Variants in SNX29 observed in about 807,000 individuals in gnomAD.
The protein encoded by SNX29 is sorting nexin 29, also known as sorting nexin-29.
SNX29 carries 78 observed loss-of-function variants against 102.1 expected under a neutral mutation model. The ratio of observed to expected loss-of-function variants is 0.76; its 90% CI spans 0.64 to 0.92. The LOEUF is 0.92. Among genes scored for constraint, SNX29 ranks in the 40% least tolerant of loss-of-function variants. SNX29 has a pLI of 0.00. For synonymous variants in SNX29, 580 were observed against 414.5 expected (o/e 1.40, Z -4.85); for missense variants, 1,280 against 1,061.7 (o/e 1.21, Z -2.86).
intron 15 of SNX29, 95 bp downstream of exon 15, chr16:12,278,131 C>A: frequency 3.8e-6 from 4 of 1,045,766 alleles, no homozygotes; most frequent in Non-Finnish European, 4.3e-6. Context: ...GACACGTGAG[C>A]AAAACGACCA....
chr16:12,325,152 T>C (rs1482187194), intron 15 of SNX29, among the ~76,000 whole-genome samples: 7 of 152,162 alleles, frequency 4.6e-5, no homozygotes, highest in African/African-American at 1.7e-4. Flanking sequence ...TGCAGGCCCC[T>C]CCCTAATGGC....
chr16:12,084,467 A>G (rs2052063073), intron 11 of SNX29, among the ~76,000 whole-genome samples: 2 of 152,228 alleles, frequency 1.3e-5, no homozygotes, highest in Non-Finnish European at 2.9e-5. Context: ...TAAAACACCC[A>G]TAATTCTGCC....
intron 14 of SNX29, among the ~76,000 whole-genome samples, chr16:12,274,990 A>G (rs1399280488): frequency 6.6e-6 from 1 of 152,152 alleles, no homozygotes; most frequent in Non-Finnish European, 1.5e-5. Context: ...TTTTCCCTAA[A>G]TAGTCTCTCT....
chr16:11,986,760 C>G (rs901284751), intron 1 of SNX29, among the ~76,000 whole-genome samples: 1 of 152,188 alleles, frequency 6.6e-6, no homozygotes, highest in Non-Finnish European at 1.5e-5. Flanking sequence ...TAAATATTTT[C>G]TACTTTGTGG....
intron 20 of SNX29, among the ~76,000 whole-genome samples, chr16:12,568,181 A>T (rs934022276): frequency 6.6e-6 from 1 of 152,068 alleles, no homozygotes; most frequent in African/African-American, 2.4e-5. Flanking sequence ...AATCAAGGAA[A>T]ATGTGGGGAA....
chr16:12,194,978 G>T (rs2076737437), intron 13 of SNX29, among the ~76,000 whole-genome samples: 1 of 152,074 alleles, frequency 6.6e-6, no homozygotes, highest in Non-Finnish European at 1.5e-5. Flanking sequence ...CTAGTAAAGT[G>T]CATTGTTGAA....
chr16:12,010,412 A>T (rs2056606479), intron 3 of SNX29, among the ~76,000 whole-genome samples: 1 of 152,170 alleles, frequency 6.6e-6, no homozygotes, highest in Admixed American at 6.6e-5. Context: ...ACTTGATCCC[A>T]GGAGTTCGAG....
At chr16:12,067,993 A>G (rs2051113612) in intron 9 of SNX29, among the ~76,000 whole-genome samples, 1 of 139,042 alleles carries the variant, frequency 7.2e-6, no homozygotes, top group Non-Finnish European at 1.6e-5. Context: ...CACTTAATGC[A>G]GGGAAAATTG....
At chr16:12,205,020 T>C (rs918537014) in intron 14 of SNX29, among the ~76,000 whole-genome samples, 1 of 152,020 alleles carries the variant, frequency 6.6e-6, no homozygotes, top group Non-Finnish European at 1.5e-5. Flanking sequence ...CCTGCGTGTG[T>C]TTTGTGCTCT....
At chr16:12,045,344 A>G (rs935023847) in intron 5 of SNX29, among the ~76,000 whole-genome samples, 4 of 152,250 alleles carry the variant, frequency 2.6e-5, no homozygotes, top group Middle Eastern at 6.8e-3. Context: ...TTAGAATTCA[A>G]TGACCTGGCG....
intron 18 of SNX29, among the ~76,000 whole-genome samples, chr16:12,453,393 TGTG>T: frequency 6.6e-6 from 1 of 152,204 alleles, no homozygotes; most frequent in Non-Finnish European, 1.5e-5. Context: ...TTACTGGCGG[TGTG>T]ACCCTGGGCA....
intron 20 of SNX29, among the ~76,000 whole-genome samples, chr16:12,546,133 A>G (rs1597886932): frequency 6.6e-6 from 1 of 152,184 alleles, no homozygotes; most frequent in Non-Finnish European, 1.5e-5. Context: ...CATCCACAAA[A>G]CAGAGCTAAT....
chr16:11,998,439 T>C (rs2056168162), intron 1 of SNX29, among the ~76,000 whole-genome samples: 1 of 152,180 alleles, frequency 6.6e-6, no homozygotes, highest in Non-Finnish European at 1.5e-5. Context: ...TGGATGCAAG[T>C]AACAGCCCAA....
chr16:12,561,529 C>T (rs1037328456), intron 20 of SNX29, among the ~76,000 whole-genome samples: 3 of 152,160 alleles, frequency 2.0e-5, no homozygotes, highest in African/African-American at 7.2e-5. Context: ...AAAAGTTAGT[C>T]TCTCCTCGCA....
intron 13 of SNX29, among the ~76,000 whole-genome samples, chr16:12,170,881 A>G (rs1455577003): frequency 6.6e-6 from 1 of 151,790 alleles, no homozygotes; most frequent in Non-Finnish European, 1.5e-5. Flanking sequence ...TGCTGTTTAC[A>G]GGGCCTCCGA....
intron 14 of SNX29, among the ~76,000 whole-genome samples, chr16:12,233,969 A>G (rs1403034631): frequency 6.6e-6 from 1 of 152,220 alleles, no homozygotes; most frequent in Non-Finnish European, 1.5e-5. Context: ...AGATTTTACT[A>G]TAAGGATATG....
chr16:12,446,940 G>A (rs1019105614), intron 18 of SNX29, among the ~76,000 whole-genome samples: 2 of 151,784 alleles, frequency 1.3e-5, no homozygotes, highest in East Asian at 1.9e-4. Flanking sequence ...CAAGGTGGGC[G>A]GATCATTTGA....
intron 19 of SNX29, among the ~76,000 whole-genome samples, chr16:12,481,401 C>T (rs997069540): frequency 6.6e-6 from 1 of 151,364 alleles, no homozygotes; most frequent in Non-Finnish European, 1.5e-5. Flanking sequence ...TATATACACA[C>T]ACACACACAC....
chr16:12,549,013 C>A (rs1003134034), intron 20 of SNX29, among the ~76,000 whole-genome samples: 1 of 152,212 alleles, frequency 6.6e-6, no homozygotes, highest in Non-Finnish European at 1.5e-5. Context: ...GTTGTAACAG[C>A]ATAAAAAGCT....
Sources: gnomAD v4.1 joint callset for allele counts (sites outside exome capture counted in the v4.1 genomes callset) on GRCh38, gnomAD v4.1.1 for gene constraint, MANE v1.5 for transcripts, NCBI Gene and HGNC (gene_info 2026-07-23, HGNC 2026-07-21) for gene names.